The following TPCN1 variants were observed in gnomAD, a reference collection of about 807,000 sequenced individuals.
TPCN1 encodes the protein two pore segment channel 1.
A neutral mutation model predicts 108.8 loss-of-function variants in TPCN1; 52 were observed. That is an observed-to-expected ratio of 0.48 (90% CI 0.38 to 0.60). TPCN1 has a LOEUF of 0.60. Ranked by LOEUF, TPCN1 falls within the 20% of genes least tolerant of loss-of-function variation. The pLI, the probability that TPCN1 is intolerant of heterozygous loss-of-function variation, is 0.00. For missense variants in TPCN1, 806 were observed against 1,072.8 expected, an observed-to-expected ratio of 0.75 and a Z score of 3.47; for synonymous variants, 446 against 433.7, an observed-to-expected ratio of 1.03 and a Z score of -0.35.
Position 113,284,892 on chromosome 12 carries a change from T to C in TPCN1, c.1453+121T>C. 8.9e-7 allele frequency: 1 copy of C among 1,117,778 alleles called. No homozygotes were observed. Among genetic ancestry groups the C allele is most frequent in the South Asian group, 1.3e-5 (1 of 74,536 alleles). The allele number at this position is 1,117,778 out of a possible 1,614,324, so 69.2% of individuals were successfully genotyped here. A position where few individuals can be genotyped will look rare whatever the true frequency, so the allele number is the denominator to read the frequency against. ...AGGAAGCTATAAAGAGACGGAGTAATCAGTCTGATTCCATCTCGTCCCCGT... is the reference window on the plus strand; with the variant it reads ...AGGAAGCTATAAAGAGACGGAGTAACCAGTCTGATTCCATCTCGTCCCCGT... On this transcript the variant is annotated intron_variant, in intron 17 of 27. Transcript: ENST00000335509. The surrounding 1 kb of genome is among the most constrained non-coding windows in gnomAD (Gnocchi z 4.1).
chr12:113,269,593 G>A lies in TPCN1; in HGVS notation c.660-164G>A, dbSNP rs1035931410. On this transcript the variant is annotated intron_variant, in intron 6 of 27. Transcript: ENST00000335509. The surrounding 1 kb of genome is among the most constrained non-coding windows in gnomAD (Gnocchi z 5.0). ...TCTTCCCTGCCATCCGCTGAGTGGGGGTCTCAAGCCACTTTAGGAAAAAAT... is the reference window on the plus strand; with the variant it reads ...TCTTCCCTGCCATCCGCTGAGTGGGAGTCTCAAGCCACTTTAGGAAAAAAT... Among the ~76,000 whole-genome samples the A allele has an allele frequency of 6.6e-6, 1 of 152,120 alleles. No homozygotes were observed. Among genetic ancestry groups the A allele is most frequent in the African/African-American group, 2.4e-5 (1 of 41,408 alleles).
At position 113,227,390 on chromosome 12, in the gene TPCN1, C is replaced by G. The variant is rs1953512629; in HGVS notation, c.112+426C>G. Among the ~76,000 whole-genome samples the G allele has an allele frequency of 2.0e-5, 3 of 152,216 alleles. No individual in the cohort carries two copies. In the South Asian group the frequency reaches 6.2e-4, roughly 31 times the overall value. ...CAGGAAAGCAGCACTGCCCGCGTCT[C>G]TTTGCTCCATCTCAGTCCCTTCTTG... is the stretch of plus-strand genomic sequence containing the variant. On this transcript the variant is annotated intron_variant, in intron 2 of 27. Coordinates refer to ENST00000335509, the MANE Select transcript of TPCN1 (RefSeq NM_017901.6).
At chr12:113,276,467 A>T (rs1005454569) in intron 10 of TPCN1, among the ~76,000 whole-genome samples, 1 of 152,018 alleles carries the variant, frequency 6.6e-6, no homozygotes, top group Non-Finnish European at 1.5e-5. Context: ...GGGCAGGGGG[A>T]GGAAGGGTCC....
At chr12:113,260,658 A>T (rs911584453) in intron 3 of TPCN1, among the ~76,000 whole-genome samples, 166 bp downstream of exon 3, 1 of 152,152 alleles carries the variant, frequency 6.6e-6, no homozygotes, top group Non-Finnish European at 1.5e-5. Flanking sequence ...GACTGTGCTC[A>T]TAGGGGAAAA....
rs550348221 is a variant in TPCN1 at position 113,252,529 on chromosome 12, G to T, written c.113-7839G>T. On this transcript the variant is annotated intron_variant, in intron 2 of 27. Transcript: ENST00000335509. Reference sequence around the variant, plus strand: ...CCGCTCACATAGACACTCGTGTCTAGTGTCAAGTGGGAGGGTGGCACTAAT... The same window carrying T: ...CCGCTCACATAGACACTCGTGTCTATTGTCAAGTGGGAGGGTGGCACTAAT... 2.6e-5 allele frequency among the ~76,000 whole-genome samples: 4 copies of T among 152,324 alleles called. No homozygotes were observed. The South Asian group carries it at 8.3e-4, about 32-fold the overall frequency.
At chr12:113,242,897 C>T (rs1954207910) in intron 2 of TPCN1, among the ~76,000 whole-genome samples, 1 of 152,198 alleles carries the variant, frequency 6.6e-6, no homozygotes, top group African/African-American at 2.4e-5. Flanking sequence ...TTTTAGATCT[C>T]AGTGCACCAG....
At chr12:113,287,697 C>T (rs1009496380) in intron 19 of TPCN1, among the ~76,000 whole-genome samples, 8 of 152,226 alleles carry the variant, frequency 5.3e-5, no homozygotes, top group Admixed American at 3.3e-4. Flanking sequence ...GGGGTGGTGG[C>T]GTCTATGGAG....
At chr12:113,285,818 C>A in intron 17 of TPCN1, 71 bp from the exon 18 acceptor site, 1 of 1,340,140 alleles carries the variant, frequency 7.5e-7, no homozygotes, top group Non-Finnish European at 1.1e-6. Flanking sequence ...TGTGGAGGAG[C>A]CTCAAAGAGG....
chr12:113,267,059 CTT>C (rs1303210246), intron 4 of TPCN1, among the ~76,000 whole-genome samples: 7 of 152,190 alleles, frequency 4.6e-5, no homozygotes, highest in African/African-American at 1.7e-4. Flanking sequence ...TGTCCCTTCA[CTT>C]TGTCAATTCC....
intron 2 of TPCN1, among the ~76,000 whole-genome samples, chr12:113,254,275 ACAAATTCTTC>A (rs2136543798): frequency 6.6e-6 from 1 of 152,348 alleles, no homozygotes; most frequent in South Asian, 2.1e-4. Flanking sequence ...CCAATTTGAC[ACAAATTCTTC>A]CAGAAAATTG....
chr12:113,221,532 A>G lies in TPCN1; in HGVS notation c.-220A>G. The stretch of plus-strand genomic sequence containing the variant: ...GGCTTCGGCGGCTGCGGCGGCTGCA[A>G]CAGCTTCGGGCTCGGGGTTTTGGCG... On this transcript the variant is annotated 5_prime_UTR_variant, in exon 1 of 28. Transcript: ENST00000335509. 1 of 290,986 alleles carries G rather than the reference A, an allele frequency of 3.4e-6. No homozygotes were observed. Among genetic ancestry groups the G allele is most frequent in the African/African-American group, 2.2e-5 (1 of 44,966 alleles). The allele number at this position is 290,986 out of a possible 1,614,324, so 18.0% of individuals were successfully genotyped here.
At chr12:113,258,396 G>A (rs1954900577) in intron 2 of TPCN1, among the ~76,000 whole-genome samples, 1 of 152,102 alleles carries the variant, frequency 6.6e-6, no homozygotes, top group African/African-American at 2.4e-5. Context: ...AACCTCGGAA[G>A]CAGAGGTTAC....
rs1488565375 is a variant in TPCN1 at position 113,296,000 on chromosome 12, G to A, written c.2375G>A (p.Arg792Gln). The change falls in exon 28 of 28, where the codon CGA (arginine) becomes CAA (glutamine). Residue 792 changes from arginine to glutamine, a missense_variant. By Grantham distance (43) the Arg-to-Gln change is conservative. Transcript: ENST00000335509. ...CATGCCAGGGAGCAAGAGCAGCAGC[G>A]ACAACTCAGCAGCAGTGCAGCCCCC... The part of the protein sequence containing the change: ...EEHAREQEQQ[R>Q]QLSSSAAPAA... 5.0e-6 allele frequency: 8 copies of A among 1,612,518 alleles called. No individual in the cohort carries two copies. Among genetic ancestry groups the A allele is most frequent in the Non-Finnish European group, 6.8e-6 (8 of 1,179,654 alleles).
intron 2 of TPCN1, among the ~76,000 whole-genome samples, chr12:113,251,767 G>A (rs1455960326): frequency 2.6e-5 from 4 of 152,252 alleles, no homozygotes; most frequent in Non-Finnish European, 5.9e-5. Flanking sequence ...ATTGTTCCAA[G>A]GAGTCAGTCT....
At chr12:113,223,447 TTTTTTG>T (rs1953343065) in intron 1 of TPCN1, among the ~76,000 whole-genome samples, 1 of 151,974 alleles carries the variant, frequency 6.6e-6, no homozygotes, top group Non-Finnish European at 1.5e-5. Flanking sequence ...TTTTTTTTTT[TTTTTTG>T]GTTCTTCTCA....
chr12:113,273,317 G>A lies in TPCN1; in HGVS notation c.842+27G>A. ...TAAGTGCAGGCTCTGCCTTGCCTTT[G>A]GTCCTCTGCTGCCGCCCTGGGGTCT... On this transcript the variant is annotated intron_variant, in intron 9 of 27. Coordinates refer to ENST00000335509, the MANE Select transcript of TPCN1 (RefSeq NM_017901.6). The surrounding 1 kb of genome is among the most constrained non-coding windows in gnomAD (Gnocchi z 4.0). 6.2e-7 allele frequency: 1 copy of A among 1,612,460 alleles called. No homozygotes were observed. The highest frequency in any genetic ancestry group is 8.5e-7 in the Non-Finnish European group (1 of 1,178,458).
At chr12:113,247,463 C>T (rs1009119521) in intron 2 of TPCN1, among the ~76,000 whole-genome samples, 3 of 152,246 alleles carry the variant, frequency 2.0e-5, no homozygotes, top group South Asian at 2.1e-4. Flanking sequence ...ATACCTTCTG[C>T]GGGAACAACG....
chr12:113,278,484 A>T (rs1050303775), intron 13 of TPCN1, among the ~76,000 whole-genome samples: 2 of 152,254 alleles, frequency 1.3e-5, no homozygotes, highest in East Asian at 3.8e-4. Context: ...GTGTGACATC[A>T]GGCGGGTTAC....
chr12:113,293,420 T>C (rs1226569958), intron 27 of TPCN1, 71 bp downstream of exon 27: 5 of 1,399,734 alleles, frequency 3.6e-6, no homozygotes, highest in Non-Finnish European at 4.1e-6. Context: ...GGAGCTGCTC[T>C]CTGGCCCTCT....
Sources: gnomAD v4.1 joint callset for allele counts (sites outside exome capture counted in the v4.1 genomes callset) on GRCh38, gnomAD v4.1.1 for gene constraint, Gnocchi (gnomAD v3.1) non-coding constraint, MANE v1.5 for transcripts, NCBI Gene and HGNC (gene_info 2026-07-23, HGNC 2026-07-21) for gene names.